PDE4A: variants seen among roughly 807,000 people sequenced by gnomAD.
The protein encoded by PDE4A is phosphodiesterase 4A.
PDE4A carries 21 observed loss-of-function variants against 73.9 expected under a neutral mutation model. The observed-to-expected ratio is 0.28, with a 90% CI of 0.20 to 0.41. The LOEUF (loss-of-function observed/expected upper bound fraction) is 0.41. PDE4A is among the 10% of genes least tolerant of loss of function. The pLI is 1.00. For synonymous variants in PDE4A, 463 were observed against 505.4 expected (o/e 0.92, Z 1.13); for missense variants, 958 against 1,211.4 (o/e 0.79, Z 3.10).
chr19:10,428,355 CTCGAGAGAGA>C (rs1356075524), intron 1 of PDE4A, among the ~76,000 whole-genome samples: 10 of 106,984 alleles, frequency 9.3e-5, no homozygotes, highest in African/African-American at 3.9e-4. Flanking sequence ...GAGATCCTGT[CTCGAGAGAGA>C]GAGAGAGAGA....
upstream of PDE4A, chr19:10,417,576 C>G: frequency 6.7e-7 from 1 of 1,483,798 alleles, no homozygotes; most frequent in Non-Finnish European, 9.0e-7. Flanking sequence ...CTCCCTTAGA[C>G]AGCTAGGTAG....
intron 1 of PDE4A, among the ~76,000 whole-genome samples, chr19:10,432,730 G>A (rs1051895452): frequency 2.6e-5 from 4 of 152,226 alleles, no homozygotes; most frequent in Admixed American, 6.5e-5. Flanking sequence ...AAGGCCTGGG[G>A]TGCTGCTGAG....
upstream of PDE4A, chr19:10,416,855 T>C: frequency 1.3e-6 from 2 of 1,533,714 alleles, no homozygotes; most frequent in Non-Finnish European, 8.7e-7. Context: ...GGGGCACTGA[T>C]GGCAGATGCG....
intron 1 of PDE4A, among the ~76,000 whole-genome samples, chr19:10,422,807 G>A (rs1020016254): frequency 5.3e-5 from 8 of 152,136 alleles, no homozygotes; most frequent in Non-Finnish European, 8.8e-5. Context: ...AGAGAAAGTT[G>A]GAATCAACAG....
At position 10,440,662 on chromosome 19, in the gene PDE4A, G is replaced by A. The variant is rs149153200; in HGVS notation, c.321-5556G>A. ...CATCCAGGCTGAAGTGCAATGTCGC[G>A]ATCTCAGCTCACTGCAACCTCCACC... On this transcript the variant is annotated intron_variant, in intron 1 of 14. Transcript: ENST00000380702. Among the ~76,000 whole-genome samples the A allele has an allele frequency of 4.1e-3, 625 of 152,234 alleles. 6 individuals carry two copies. Among genetic ancestry groups the A allele is most frequent in the African/African-American group, 0.014 (577 of 41,542 alleles).
intron 1 of PDE4A, chr19:10,432,483 G>A (rs747349192): frequency 2.6e-6 from 4 of 1,510,118 alleles, no homozygotes; most frequent in African/African-American, 1.4e-5. Context: ...CCCTGCCCTG[G>A]CACTGCCCCC....
rs576131346 is a variant in PDE4A, at chr19:10,463,965, A to C, written c.1916A>C (p.Glu639Ala). The change falls in exon 14 of 15, where the codon GAG (glutamate) becomes GCG (alanine). Residue 639 changes from glutamate to alanine, a missense_variant. By Grantham distance (107) the Glu-to-Ala change is moderately radical (BLOSUM62 -1). This residue lies in a region of PDE4A where 570 missense variants were observed against 827.7 expected (regional missense o/e 0.69). Transcript: ENST00000380702. ...TGTGACAAGCACACTGCCTCCGTGG[A>C]GAAGTCTCAGGTACAGGCTCGGGGC... Reference protein sequence around the residue: ...PMCDKHTASVEKSQVGFIDYI... With the variant: ...PMCDKHTASVAKSQVGFIDYI... 6.2e-7 allele frequency: 1 copy of C among 1,614,044 alleles called. No homozygotes were observed. Among genetic ancestry groups the C allele is most frequent in the Non-Finnish European group, 8.5e-7 (1 of 1,179,970 alleles).
intron 7 of PDE4A, among the ~76,000 whole-genome samples, 184 bp downstream of exon 7, chr19:10,455,106 C>G (rs1207968758): frequency 1.3e-5 from 2 of 152,168 alleles, no homozygotes; most frequent in Non-Finnish European, 2.9e-5. Context: ...TGTGGGACCC[C>G]CAGCTTCTAT....
At chr19:10,417,220 G>A, upstream of PDE4A, 2 of 985,274 alleles carry the variant, frequency 2.0e-6, no homozygotes, top group Non-Finnish European at 2.4e-6. Context: ...CAAATGAGGA[G>A]AGGATTTTGG....
chr19:10,467,492 C>G lies in PDE4A; in HGVS notation c.2532C>G (p.Ala844=). 6 of 1,612,898 alleles carry G rather than the reference C, an allele frequency of 3.7e-6. No individual in the cohort carries two copies. Among genetic ancestry groups the G allele is most frequent in the Non-Finnish European group, 5.1e-6 (6 of 1,179,806 alleles). ...TCCCGGGCCTCCCCTCCACGGCGGC[C>G]GAGGTGGAGGCCCAACGAGAGCACC... is the stretch of plus-strand genomic sequence containing the variant. ...PGLPGLPSTA[A]EVEAQREHQA... is the part of the protein sequence containing the mutation. The change falls in exon 15 of 15, where the codon GCC becomes GCG. Residue 844 remains alanine (A), a synonymous_variant. Coordinates refer to ENST00000380702, the MANE Select transcript of PDE4A (RefSeq NM_001111307.2).
intron 1 of PDE4A, among the ~76,000 whole-genome samples, chr19:10,438,181 C>T (rs925382902): frequency 7.9e-5 from 12 of 151,346 alleles, no homozygotes; most frequent in East Asian, 3.9e-4. Context: ...GGCGCAATCT[C>T]GGCTCACTGC....
chr19:10,446,705 C>T (rs973146177), intron 2 of PDE4A, among the ~76,000 whole-genome samples: 1 of 152,012 alleles, frequency 6.6e-6, no homozygotes, highest in Non-Finnish European at 1.5e-5. Flanking sequence ...AGCAATTCTC[C>T]TGCCTCAGCC....
chr19:10,456,210 G>A (rs2043167765), intron 7 of PDE4A, among the ~76,000 whole-genome samples: 1 of 151,554 alleles, frequency 6.6e-6, no homozygotes, highest in African/African-American at 2.4e-5. Context: ...GGGCAACATA[G>A]TGAGAATCTG....
intron 2 of PDE4A, among the ~76,000 whole-genome samples, chr19:10,446,901 C>CTTTTTTTCTCTTTTTTTTTTTTTTT (rs1939804348): frequency 4.1e-5 from 6 of 145,476 alleles, no homozygotes; most frequent in African/African-American, 7.6e-5. Context: ...GCCTCAGTTC[C>CTTTTTTTCTCTTTTTTTTTTTTTTT]TTTTTTTTTT....
chr19:10,456,634 T>A (rs2043174741), intron 7 of PDE4A, among the ~76,000 whole-genome samples: 1 of 152,088 alleles, frequency 6.6e-6, no homozygotes, highest in African/African-American at 2.4e-5. Context: ...GGAGGATCAC[T>A]TGAGCCCAGG....
intron 1 of PDE4A, among the ~76,000 whole-genome samples, chr19:10,422,789 C>G (rs2042668004): frequency 6.6e-6 from 1 of 152,100 alleles, no homozygotes; most frequent in Non-Finnish European, 1.5e-5. Context: ...TGGAGAGAGG[C>G]TGAAGGAAGA....
At chr19:10,447,671 A>G (rs564864639) in intron 2 of PDE4A, among the ~76,000 whole-genome samples, 82 of 152,112 alleles carry the variant, frequency 5.4e-4, no homozygotes, top group Admixed American at 1.6e-3. Flanking sequence ...GCCCGCCCTC[A>G]GTTACTTTAT....
At chr19:10,428,964 G>T (rs1330718157) in intron 1 of PDE4A, 1 of 805,672 alleles carries the variant, frequency 1.2e-6, no homozygotes, top group East Asian at 1.3e-4. Context: ...AATTTGCCAG[G>T]TATTGTGGCA....
intron 1 of PDE4A, among the ~76,000 whole-genome samples, chr19:10,435,561 A>AACAC (rs35022243): frequency 0.048 from 6,949 of 145,382 alleles, 232 homozygotes; most frequent in African/African-American, 0.094. Context: ...ACCCTGTATC[A>AACAC]ACACACACAC....
Sources: allele counts gnomAD v4.1 joint callset (sites outside exome capture counted in the v4.1 genomes callset), GRCh38; gene constraint gnomAD v4.1.1; regional missense constraint gnomAD v4.1.1; transcripts MANE v1.5; gene names NCBI Gene and HGNC (gene_info 2026-07-23, HGNC 2026-07-21).